The following MECOM variants were observed in gnomAD, a reference collection of about 807,000 sequenced individuals.
MECOM encodes the protein histone-lysine N-methyltransferase MECOM.
MECOM carries 13 observed loss-of-function variants against 116.3 expected under a neutral mutation model. The observed-to-expected ratio is 0.11, with a 90% CI of 0.07 to 0.18. MECOM has a LOEUF of 0.18. MECOM is among the 10% of genes least tolerant of loss of function. The pLI is 1.00. For missense variants in MECOM, 1,299 were observed against 1,509.0 expected (o/e 0.86, Z 2.31); for synonymous variants, 528 against 535.2 (o/e 0.99, Z 0.19).
At chr3:169,108,080 G>T in intron 9 of MECOM, 128 bp from the exon 10 acceptor site, 1 of 619,656 alleles carries the variant, frequency 1.6e-6, no homozygotes. Flanking sequence ...ACTGTACCTT[G>T]AGTAAAAGCT....
At chr3:169,436,897 G>C (rs1273913295) in intron 1 of MECOM, among the ~76,000 whole-genome samples, 4 of 152,028 alleles carry the variant, frequency 2.6e-5, no homozygotes, top group African/African-American at 7.2e-5. Context: ...ACTTGAGCTT[G>C]AACGACATAA....
chr3:169,628,483 A>G (rs1771658991), intron 1 of MECOM, among the ~76,000 whole-genome samples: 2 of 152,204 alleles, frequency 1.3e-5, no homozygotes, highest in Admixed American at 6.5e-5. Context: ...TTTAACATTT[A>G]TGGAGCACCT....
intron 1 of MECOM, among the ~76,000 whole-genome samples, chr3:169,440,519 C>T (rs1743441516): frequency 8.8e-6 from 1 of 113,182 alleles, no homozygotes; most frequent in South Asian, 3.1e-4. Context: ...AGCCTGTTGG[C>T]ATGTAAGGTG....
chr3:169,382,632 T>G (rs1372057114), intron 1 of MECOM, among the ~76,000 whole-genome samples: 1 of 151,856 alleles, frequency 6.6e-6, no homozygotes, highest in African/African-American at 2.4e-5. Flanking sequence ...AGGAAGGAAC[T>G]AAGAAAAACA....
At chr3:169,351,387 A>G (rs1393579299) in intron 2 of MECOM, among the ~76,000 whole-genome samples, 1 of 151,620 alleles carries the variant, frequency 6.6e-6, no homozygotes, top group Non-Finnish European at 1.5e-5. Context: ...TTTTGTATCT[A>G]AGGTGATAAA....
In MECOM at chr3:169,116,550, T is replaced by C. The variant is rs752172112; in HGVS notation, c.1322A>G (p.Gln441Arg). 4.3e-6 allele frequency: 7 copies of C among 1,614,172 alleles called. No individual in the cohort carries two copies. The Admixed American group carries it at 1.2e-4, about 27-fold the overall frequency. ...TGGGGTTCCAGGAAGTGAAATGCCTTGGCCAAAAAATCCACCTGCCGCAAA... is the reference window on the plus strand; with the variant it reads ...TGGGGTTCCAGGAAGTGAAATGCCTCGGCCAAAAAATCCACCTGCCGCAAA... The part of the protein sequence containing the change: ...NHFAAGGFFG[Q>R]GISLPGTPAM... The change falls in exon 8 of 17, where the codon CAA (glutamine) becomes CGA (arginine). Residue 441 changes from glutamine (Q) to arginine (R), a missense_variant. Gln to Arg is a conservative substitution (Grantham distance 43). Around this residue, in one of 6 missense-constraint regions of MECOM, gnomAD observed 238 missense variants for 273.1 expected, o/e 0.87. Coordinates refer to ENST00000651503, the MANE Select transcript of MECOM (RefSeq NM_004991.4).
intron 1 of MECOM, among the ~76,000 whole-genome samples, chr3:169,527,893 T>G (rs942997363): frequency 5.3e-5 from 8 of 152,210 alleles, no homozygotes; most frequent in Non-Finnish European, 1.2e-4. Flanking sequence ...TCTCTCTTCT[T>G]TGGTAGGACT....
At chr3:169,142,583 A>G (rs1738466910) in intron 3 of MECOM, among the ~76,000 whole-genome samples, 1 of 151,930 alleles carries the variant, frequency 6.6e-6, no homozygotes, top group African/African-American at 2.4e-5. Flanking sequence ...AGAAAAAACA[A>G]TTGATTGGTT....
chr3:169,313,910 G>C (rs1052783110), intron 2 of MECOM, among the ~76,000 whole-genome samples: 1 of 152,120 alleles, frequency 6.6e-6, no homozygotes, highest in Non-Finnish European at 1.5e-5. Flanking sequence ...ACTGAACCGG[G>C]ACAACTGACA....
chr3:169,377,943 C>T (rs757161874), intron 2 of MECOM, among the ~76,000 whole-genome samples: 1 of 152,034 alleles, frequency 6.6e-6, no homozygotes, highest in Non-Finnish European at 1.5e-5. Flanking sequence ...CAATGATAGA[C>T]TGGATAAAGA....
At chr3:169,544,371 A>G (rs1159429668) in intron 1 of MECOM, among the ~76,000 whole-genome samples, 1 of 152,206 alleles carries the variant, frequency 6.6e-6, no homozygotes, top group African/African-American at 2.4e-5. Flanking sequence ...TTCTTTGGGT[A>G]TATACCCAGT....
At chr3:169,661,577 T>C (rs866550938) in intron 1 of MECOM, among the ~76,000 whole-genome samples, 1 of 152,204 alleles carries the variant, frequency 6.6e-6, no homozygotes, top group African/African-American at 2.4e-5. Flanking sequence ...AAAGGAAATG[T>C]ATCGGGGAGT....
At chr3:169,300,733 T>A (rs78444781) in intron 2 of MECOM, among the ~76,000 whole-genome samples, 2 of 152,144 alleles carry the variant, frequency 1.3e-5, no homozygotes, top group Non-Finnish European at 2.9e-5. Context: ...AGTTCATGAA[T>A]CTCTCTCTCA....
intron 1 of MECOM, among the ~76,000 whole-genome samples, chr3:169,475,181 T>A (rs1418650839): frequency 6.6e-6 from 1 of 152,234 alleles, no homozygotes; most frequent in Non-Finnish European, 1.5e-5. Context: ...CATATAATTC[T>A]ATAGGGGAAA....
At chr3:169,152,169 A>C (rs745370818) in intron 2 of MECOM, among the ~76,000 whole-genome samples, 14 of 152,112 alleles carry the variant, frequency 9.2e-5, no homozygotes, top group Non-Finnish European at 1.8e-4. Flanking sequence ...CCGTAGCCCC[A>C]CACACATATC....
chr3:169,658,414 G>T (rs1173864447), intron 1 of MECOM, among the ~76,000 whole-genome samples: 1 of 152,192 alleles, frequency 6.6e-6, no homozygotes, highest in Non-Finnish European at 1.5e-5. Flanking sequence ...TGCCCTCCGC[G>T]CAAGAGTGCT....
chr3:169,312,343 A>G (rs1203685276), intron 2 of MECOM, among the ~76,000 whole-genome samples: 1 of 151,456 alleles, frequency 6.6e-6, no homozygotes, highest in Non-Finnish European at 1.5e-5. Context: ...TGACAGAATG[A>G]GAAGAGGCAA....
At chr3:169,291,234 C>T (rs980913934) in intron 2 of MECOM, among the ~76,000 whole-genome samples, 1 of 152,116 alleles carries the variant, frequency 6.6e-6, no homozygotes. Context: ...TCCTTCATTT[C>T]CCCCACTTGA....
At chr3:169,517,539 T>C (rs1167855106) in intron 1 of MECOM, among the ~76,000 whole-genome samples, 1 of 152,208 alleles carries the variant, frequency 6.6e-6, no homozygotes, top group African/African-American at 2.4e-5. Context: ...GCTTATGCAT[T>C]AGACTATTTC....
Sources: gnomAD v4.1 joint callset for allele counts (sites outside exome capture counted in the v4.1 genomes callset) on GRCh38, gnomAD v4.1.1 for gene constraint, gnomAD v4.1.1 regional missense constraint, MANE v1.5 for transcripts, NCBI Gene and HGNC (gene_info 2026-07-23, HGNC 2026-07-21) for gene names.